The following PCDH19 variants were observed in gnomAD, a reference collection of about 807,000 sequenced individuals.
The protein encoded by PCDH19 is protocadherin-19.
Under a neutral mutation model 46.2 loss-of-function variants are expected in PCDH19, and 6 were observed. The ratio of observed to expected loss-of-function variants is 0.13; its 90% CI spans 0.07 to 0.26. PCDH19 has a LOEUF of 0.26. Among genes scored for constraint, PCDH19 ranks in the 10% least tolerant of loss-of-function variants. The pLI is 1.00. For synonymous variants in PCDH19, 481 were observed against 415.7 expected (o/e 1.16, Z -1.91); for missense variants, 740 against 972.3 (o/e 0.76, Z 3.18).
intron 5 of PCDH19, among the ~76,000 whole-genome samples, chrX:100,322,077 C>G (rs912166244): frequency 9.0e-6 from 1 of 110,734 alleles, no homozygotes; most frequent in African/African-American, 3.3e-5. Context: ...GTGTGAGCCA[C>G]CGCGCCTGGC....
intron 5 of PCDH19, among the ~76,000 whole-genome samples, chrX:100,333,238 A>G (rs1925974538): frequency 9.5e-6 from 1 of 105,577 alleles, no homozygotes; most frequent in Admixed American, 1.0e-4. Flanking sequence ...AGAAAGAAAG[A>G]AAGAAAGAAA....
chrX:100,297,200 C>A (rs1924644505), intron 5 of PCDH19, among the ~76,000 whole-genome samples: 1 of 111,572 alleles, frequency 9.0e-6, no homozygotes, highest in African/African-American at 3.3e-5. Flanking sequence ...TAATCAACAA[C>A]TCCTGCTAAA....
intron 5 of PCDH19, among the ~76,000 whole-genome samples, chrX:100,317,330 C>T (rs1925340161): frequency 8.9e-6 from 1 of 112,148 alleles, no homozygotes; most frequent in Non-Finnish European, 1.9e-5. Flanking sequence ...CTACTCCTTG[C>T]TTCATTCTGA....
At chrX:100,371,024 T>G (rs780794023) in intron 3 of PCDH19, among the ~76,000 whole-genome samples, 54 of 108,012 alleles carry the variant, frequency 5.0e-4, no homozygotes, top group African/African-American at 1.7e-3. Flanking sequence ...TGTGTGTGTG[T>G]GGGTGTGTGT....
intron 5 of PCDH19, among the ~76,000 whole-genome samples, chrX:100,309,677 C>T (rs1312060257): frequency 9.0e-6 from 1 of 111,202 alleles, no homozygotes; most frequent in East Asian, 2.8e-4. Context: ...CTAGAAATGT[C>T]TGGATGTGGA....
chrX:100,322,833 G>GTGTATATATATA (rs1322393906), intron 5 of PCDH19, among the ~76,000 whole-genome samples: 6 of 48,795 alleles, frequency 1.2e-4, no homozygotes, highest in South Asian at 1.2e-3. Context: ...ATATTCCTAA[G>GTGTATATATATA]TATATATATA....
intron 4 of PCDH19, among the ~76,000 whole-genome samples, chrX:100,343,115 T>C (rs765752499): frequency 1.8e-5 from 2 of 111,467 alleles, no homozygotes; most frequent in South Asian, 7.5e-4. Flanking sequence ...GGGACATTAA[T>C]CATCTCCCGC....
rs771398606 is a variant in PCDH19, at chrX:100,402,861, A to G, written c.2289-10T>C. 8.5e-7 allele frequency: 1 copy of G among 1,172,337 alleles called. No individual in the cohort carries two copies. The highest frequency in any genetic ancestry group is 1.2e-6 in the Non-Finnish European group (1 of 860,622). On this transcript the variant is annotated splice_polypyrimidine_tract_variant and intron_variant, in intron 2 of 5. Transcript: ENST00000373034. ...GGAGTACTCAGCAATTCTATGTGACAGAAAAGGCAGCATGAATCACTAACA... is the reference window on the plus strand; with the variant it reads ...GGAGTACTCAGCAATTCTATGTGACGGAAAAGGCAGCATGAATCACTAACA...
chrX:100,385,897 A>AAAAAAGAAAAAAG (rs1349082582), intron 3 of PCDH19, among the ~76,000 whole-genome samples: 7 of 111,802 alleles, frequency 6.3e-5, no homozygotes, highest in African/African-American at 2.3e-4. Flanking sequence ...CCATCTCAAA[A>AAAAAAGAAAAAAG]AAAAAGAAAA....
At chrX:100,402,496 C>T in intron 3 of PCDH19, 28 bp downstream of exon 3, 3 of 1,164,997 alleles carry the variant, frequency 2.6e-6, no homozygotes, top group Non-Finnish European at 2.3e-6. Flanking sequence ...CCTGGGAGAA[C>T]CTCACAGAGC....
intron 5 of PCDH19, among the ~76,000 whole-genome samples, chrX:100,323,979 G>A (rs1273214093): frequency 9.0e-6 from 1 of 111,599 alleles, no homozygotes; most frequent in East Asian, 2.8e-4. Flanking sequence ...AGTAAAGTTA[G>A]CAGTTTACAA....
intron 4 of PCDH19, among the ~76,000 whole-genome samples, chrX:100,344,330 A>G (rs951425068): frequency 1.8e-5 from 2 of 112,352 alleles, no homozygotes; most frequent in Admixed American, 9.5e-5. Flanking sequence ...ATGATGGCCA[A>G]TTGGAAACAC....
intron 5 of PCDH19, among the ~76,000 whole-genome samples, chrX:100,306,907 A>G (rs1924964590): frequency 8.9e-6 from 1 of 111,825 alleles, no homozygotes; most frequent in Non-Finnish European, 1.9e-5. Context: ...GTGAGATTGA[A>G]ATGGTAATAA....
intron 3 of PCDH19, among the ~76,000 whole-genome samples, chrX:100,377,198 C>T (rs1467686437): frequency 8.9e-6 from 1 of 111,888 alleles, no homozygotes; most frequent in African/African-American, 3.2e-5. Flanking sequence ...GTTAAGAGAC[C>T]TAAGAGTTTT....
At chrX:100,381,518 G>A in intron 3 of PCDH19, among the ~76,000 whole-genome samples, 1 of 111,422 alleles carries the variant, frequency 9.0e-6, no homozygotes, top group East Asian at 2.8e-4. Flanking sequence ...TTCTCCCCTT[G>A]GTTCTTTACT....
chrX:100,367,789 T>C (rs915634959), intron 3 of PCDH19, among the ~76,000 whole-genome samples: 3 of 111,373 alleles, frequency 2.7e-5, no homozygotes, highest in Non-Finnish European at 5.7e-5. Flanking sequence ...AAGTGGTATA[T>C]ACAGTGTGCC....
At chrX:100,321,831 T>C (rs1406513252) in intron 5 of PCDH19, among the ~76,000 whole-genome samples, 17 of 83,445 alleles carry the variant, frequency 2.0e-4, no homozygotes, top group African/African-American at 7.7e-4. Flanking sequence ...GCTCTGTCGC[T>C]CAGGCTGGAG....
In PCDH19 at chrX:100,322,833, GTATATATATATATATATATA is replaced by G. The variant is rs60720039; in HGVS notation, c.2848+19050_2848+19069del. On this transcript the variant is annotated intron_variant, in intron 5 of 5. Coordinates refer to ENST00000373034, the MANE Select transcript of PCDH19 (RefSeq NM_001184880.2). ...CCTCCTTGGTTAGGTATATTCCTAA[GTATATATATATATATATATA>G]TATATATATATATTTTTGCAGCTAT... Among the ~76,000 whole-genome samples the G allele has an allele frequency of 4.4e-3, 217 of 48,793 alleles. 15 individuals are homozygous for G. Among genetic ancestry groups the G allele is most frequent in the African/African-American group, 0.028 (206 of 7,421 alleles). The allele number at this position is 48,793 out of a possible 115,157, so 42.4% of individuals were successfully genotyped here. A position where few individuals can be genotyped will look rare whatever the true frequency, so the allele number is the denominator to read the frequency against.
At chrX:100,336,247 G>A (rs1926083745) in intron 5 of PCDH19, among the ~76,000 whole-genome samples, 2 of 112,154 alleles carry the variant, frequency 1.8e-5, no homozygotes, top group African/African-American at 6.5e-5. Context: ...TGAAATGAGT[G>A]TTTCAAAATT....
Sources: gnomAD v4.1 joint callset for allele counts (sites outside exome capture counted in the v4.1 genomes callset) on GRCh38, gnomAD v4.1.1 for gene constraint, MANE v1.5 for transcripts, NCBI Gene and HGNC (gene_info 2026-07-23, HGNC 2026-07-21) for gene names.